The following PRSS57 variants were observed in gnomAD, a reference collection of about 807,000 sequenced individuals.
PRSS57 encodes the protein serine protease 57, also known as neutrophil serine protease 4.
In PRSS57, 19 loss-of-function variants were observed where a neutral mutation model predicts 20.6. That is an observed-to-expected ratio of 0.92 (90% CI 0.64 to 1.35). PRSS57 has a LOEUF of 1.35. Among genes scored for constraint, PRSS57 ranks in the 40% most tolerant of loss-of-function variants. The pLI, the probability that PRSS57 is intolerant of heterozygous loss-of-function variation, is 0.00. For missense variants in PRSS57, 440 were observed against 403.7 expected (o/e 1.09, Z -0.77); for synonymous variants, 203 against 176.6 (o/e 1.15, Z -1.19).
Position 687,047 on chromosome 19 carries a change from G to A in PRSS57, c.520C>T (p.Leu174=). The A allele has an allele frequency of 1.2e-6, 2 of 1,614,066 alleles. No individual in the cohort carries two copies. Among genetic ancestry groups the A allele is most frequent in the Non-Finnish European group, 1.7e-6 (2 of 1,180,024 alleles). ...AGCACTCGGACCTTGGCCTCCATCA[G>A]TCCAGGCGGCAGCTCCTCAAAGTCA... ...VSDFEELPPG[L]MEAKVRVLDP... Residue 174 remains leucine (L), a synonymous_variant, in exon 4 of 5, where the codon CTG becomes TTG. Coordinates refer to ENST00000329267, the MANE Select transcript of PRSS57 (RefSeq NM_001308209.2).
intron 3 of PRSS57, among the ~76,000 whole-genome samples, chr19:688,267 C>T (rs1384814417): frequency 6.6e-6 from 1 of 152,078 alleles, no homozygotes; most frequent in Middle Eastern, 3.2e-3. Flanking sequence ...TGAACCAGCG[C>T]TGGTTCCAGG....
chr19:693,298 G>A (rs1191797566), intron 2 of PRSS57, among the ~76,000 whole-genome samples: 1 of 132,242 alleles, frequency 7.6e-6, no homozygotes, highest in Non-Finnish European at 1.5e-5. Context: ...TGTGATCACA[G>A]CTCACTGCAG....
chr19:694,681 C>G (rs915710854), intron 2 of PRSS57, 133 bp downstream of exon 2: 2 of 1,055,316 alleles, frequency 1.9e-6, no homozygotes, highest in Non-Finnish European at 2.7e-6. Context: ...CTTTGTTGCC[C>G]TTTAAATCCA....
intron 3 of PRSS57, 61 bp from the exon 4 acceptor site, chr19:687,249 G>T: frequency 1.4e-6 from 2 of 1,434,168 alleles, no homozygotes; most frequent in Admixed American, 2.9e-5. Context: ...TCCTGCCTCA[G>T]TTTATCCATG....
Position 689,593 on chromosome 19 carries a change from G to A in PRSS57, c.378+2265C>T, listed in dbSNP as rs1357670907. Among the ~76,000 whole-genome samples, 4 of 152,218 alleles carry A rather than the reference G, an allele frequency of 2.6e-5. No homozygotes were observed. In the East Asian group the frequency reaches 5.8e-4, roughly 22 times the overall value. On this transcript the variant is annotated intron_variant, in intron 3 of 4. Transcript: ENST00000329267. ...AGCCACTGGGGGGTCCAGGGCACAG[G>A]AGGAATGGGACCTGACGTCCAACTG... is the stretch of plus-strand genomic sequence containing the variant.
At chr19:693,571 A>G (rs1357209217) in intron 2 of PRSS57, among the ~76,000 whole-genome samples, 1 of 151,728 alleles carries the variant, frequency 6.6e-6, no homozygotes, top group East Asian at 1.9e-4. Context: ...AAAAACCACA[A>G]TTAACTTTTT....
In PRSS57 at chr19:687,069, G is replaced by A; in HGVS notation, c.498C>T (p.Asp166=). ...CRVAGWGFVS[D]FEELPPGLME... is the part of the protein sequence containing the mutation. ...TCAGTCCAGGCGGCAGCTCCTCAAA[G>A]TCAGACACGAAGCCCCAGCCAGCCA... The change falls in exon 4 of 5, where the codon GAC becomes GAT. Residue 166 remains aspartate (D), a synonymous_variant. Coordinates refer to ENST00000329267, the MANE Select transcript of PRSS57 (RefSeq NM_001308209.2). 1 of 1,614,038 alleles carries A rather than the reference G, an allele frequency of 6.2e-7. No homozygotes were observed. Among genetic ancestry groups the A allele is most frequent in the Non-Finnish European group, 8.5e-7 (1 of 1,180,016 alleles).
chr19:689,872 G>A (rs547854755), intron 3 of PRSS57, among the ~76,000 whole-genome samples: 4 of 152,208 alleles, frequency 2.6e-5, no homozygotes, highest in Non-Finnish European at 5.9e-5. Context: ...GGCCAACATG[G>A]TGAAATCCCA....
intron 2 of PRSS57, among the ~76,000 whole-genome samples, chr19:693,924 T>G (rs1367738415): frequency 6.6e-6 from 1 of 152,056 alleles, no homozygotes. Flanking sequence ...GTATTTTTAG[T>G]AGAGATGGGG....
chr19:686,939 G>A lies in PRSS57; in HGVS notation c.628C>T (p.Arg210Trp), dbSNP rs200709250. Residue 210 changes from arginine (R) to tryptophan (W), a missense_variant, in exon 4 of 5, where the codon CGG (arginine) becomes TGG (tryptophan). Coordinates refer to ENST00000329267, the MANE Select transcript of PRSS57 (RefSeq NM_001308209.2). The stretch of plus-strand genomic sequence containing the variant: ...GGGGATCTTACCGAGCAGAAGCCCC[G>A]TCTGTGGCTGTCCCCACTGCGGGTG... ...LCTRSGDSHR[R>W]GFCSADSGGP... 82 of 1,613,832 alleles carry A rather than the reference G, an allele frequency of 5.1e-5. No individual in the cohort carries two copies. The highest frequency in any genetic ancestry group is 3.0e-4 in the Admixed American group (18 of 59,984).
intron 3 of PRSS57, chr19:691,151 G>A (rs555103656): frequency 4.3e-5 from 9 of 208,486 alleles, no homozygotes; most frequent in South Asian, 2.0e-4. Flanking sequence ...GCAGACGCCC[G>A]GCTCCAGCTG....
rs146475802 is a variant in PRSS57 at position 686,304 on chromosome 19, G to A, written c.643-382C>T. ...TCAGATCTTCTAAGGATTCCTTCAA[G>A]TCTCAGCTCAAAGGTGCTCTCCTTG... is the stretch of plus-strand genomic sequence containing the variant. On this transcript the variant is annotated intron_variant, in intron 4 of 4. Coordinates refer to ENST00000329267, the MANE Select transcript of PRSS57 (RefSeq NM_001308209.2). 5.2e-3 allele frequency among the ~76,000 whole-genome samples: 788 copies of A among 152,098 alleles called. 16 individuals are homozygous for A. The highest frequency in any genetic ancestry group is 0.042 in the Admixed American group (645 of 15,238).
In PRSS57 at chr19:695,317, G is replaced by A. The variant is rs760055059; in HGVS notation, c.79+35C>T. 24 of 1,092,300 alleles carry A rather than the reference G, an allele frequency of 2.2e-5. 1 individual carries two copies. The highest frequency in any genetic ancestry group is 1.6e-4 in the African/African-American group (10 of 62,174). 67.7% of individuals were successfully genotyped at this position (1,092,300 alleles called of 1,614,324 possible). A position where few individuals can be genotyped will look rare whatever the true frequency, so the allele number is the denominator to read the frequency against. On this transcript the variant is annotated intron_variant, in intron 1 of 4. Transcript: ENST00000329267. ...TGTGGCCCCCGTACGGGGACTTGGCGGGGGCCTGGGTGGGGATCCCGGGGG... is the reference window on the plus strand; with the variant it reads ...TGTGGCCCCCGTACGGGGACTTGGCAGGGGCCTGGGTGGGGATCCCGGGGG...
chr19:692,058 C>T (rs1475956282), intron 2 of PRSS57, 56 bp from the exon 3 acceptor site: 3 of 1,257,262 alleles, frequency 2.4e-6, no homozygotes, highest in African/African-American at 1.5e-5. Flanking sequence ...TCCTGGGCCT[C>T]GGTCCACTCA....
chr19:687,676 G>A (rs2031518202), intron 3 of PRSS57, among the ~76,000 whole-genome samples: 1 of 152,170 alleles, frequency 6.6e-6, no homozygotes, highest in Non-Finnish European at 1.5e-5. Context: ...AAAGTGCTGG[G>A]ATTACAGAGT....
intron 2 of PRSS57, among the ~76,000 whole-genome samples, chr19:693,984 C>A (rs1165971444): frequency 6.6e-6 from 1 of 152,148 alleles, no homozygotes; most frequent in East Asian, 1.9e-4. Flanking sequence ...TCGTGATCCT[C>A]CTGCCTCGGC....
rs367874759 is a variant in PRSS57 at position 686,862 on chromosome 19, A to T, written c.642+63T>A. On this transcript the variant is annotated intron_variant, in intron 4 of 4. Coordinates refer to ENST00000329267, the MANE Select transcript of PRSS57 (RefSeq NM_001308209.2). ...GTTCCCAAGGCCCTTCCTGGCCCTG[A>T]CCCTCTCTGTGGGCCTTGGTTTCCC... 723 of 1,557,440 alleles carry T rather than the reference A, an allele frequency of 4.6e-4. 4 individuals are homozygous for T. The African/African-American group carries it at 8.6e-3, about 18-fold the overall frequency.
At chr19:695,229 G>A (rs1599121323) in intron 1 of PRSS57, 123 bp downstream of exon 1, 1 of 494,174 alleles carries the variant, frequency 2.0e-6, no homozygotes, top group East Asian at 3.5e-5. Flanking sequence ...CAGCCACGGG[G>A]GCTCGGCAGA....
chr19:685,843 G>C lies in PRSS57; in HGVS notation c.722C>G (p.Pro241Arg). The change falls in exon 5 of 5, where the codon CCC becomes CGC. Residue 241 changes from proline (P) to arginine (R), a missense_variant. By Grantham distance (103) the Pro-to-Arg change is moderately radical. Coordinates refer to ENST00000329267, the MANE Select transcript of PRSS57 (RefSeq NM_001308209.2). ...VSFSGLWCGD[P>R]KTPDVYTQVS... ...CTGCGTGTACACGTCGGGGGTCTTG[G>C]GGTCGCCGCACCAGAGGCCCGAGAA... The C allele has an allele frequency of 1.3e-6, 2 of 1,561,540 alleles. No homozygotes were observed. Among genetic ancestry groups the C allele is most frequent in the Non-Finnish European group, 1.7e-6 (2 of 1,153,306 alleles).
Sources: allele counts gnomAD v4.1 joint callset (sites outside exome capture counted in the v4.1 genomes callset), GRCh38; gene constraint gnomAD v4.1.1; transcripts MANE v1.5; gene names NCBI Gene and HGNC (gene_info 2026-07-23, HGNC 2026-07-21).